Variants in B3GALT1 observed in about 807,000 individuals in gnomAD.
The protein encoded by B3GALT1 is UDP-Gal:betaGlcNAc beta 1,3-galactosyltransferase, polypeptide 1.
B3GALT1 carries 10 observed loss-of-function variants against 23.2 expected under a neutral mutation model. The ratio of observed to expected loss-of-function variants is 0.43; its 90% CI spans 0.27 to 0.73. The LOEUF is 0.73. B3GALT1 is among the 30% of genes least tolerant of loss of function. The pLI is 0.21. For missense variants in B3GALT1, 299 were observed against 405.4 expected (o/e 0.74, Z 2.25); for synonymous variants, 156 against 141.5 (o/e 1.10, Z -0.73).
intron 2 of B3GALT1, among the ~76,000 whole-genome samples, chr2:167,564,772 T>C (rs919375702): frequency 3.3e-5 from 5 of 152,114 alleles, no homozygotes; most frequent in African/African-American, 1.2e-4. Context: ...TCAAAGAGAA[T>C]AAAATACCTA....
intron 2 of B3GALT1, among the ~76,000 whole-genome samples, chr2:167,642,463 A>T (rs1685669830): frequency 6.6e-6 from 1 of 152,208 alleles, no homozygotes; most frequent in Non-Finnish European, 1.5e-5. Flanking sequence ...AGTGCTGTGT[A>T]ACTACAATCT....
At chr2:167,587,252 GTAT>G (rs1345315203) in intron 2 of B3GALT1, among the ~76,000 whole-genome samples, 7 of 152,122 alleles carry the variant, frequency 4.6e-5, no homozygotes, top group Non-Finnish European at 1.0e-4. Flanking sequence ...TGTCCAGGAA[GTAT>G]TATTCAACAT....
In B3GALT1 at chr2:167,316,079, A is replaced by AT. The variant is rs539710856; in HGVS notation, c.-511+22754dup. 3.3e-3 allele frequency among the ~76,000 whole-genome samples: 498 copies of AT among 151,036 alleles called. 2 individuals carry two copies. The highest frequency in any genetic ancestry group is 3.5e-3 in the Non-Finnish European group (237 of 67,646). ...ATCCTGTTGAATTTCTAGCAGTTAT[A>AT]TTTTTTTTTACCACTACTGTGAGAA... On this transcript the variant is annotated intron_variant, in intron 1 of 4. Coordinates refer to ENST00000392690, the MANE Select transcript of B3GALT1 (RefSeq NM_020981.4).
chr2:167,752,527 T>A (rs898708736), intron 3 of B3GALT1, among the ~76,000 whole-genome samples: 2 of 151,080 alleles, frequency 1.3e-5, no homozygotes, highest in Non-Finnish European at 3.0e-5. Context: ...TTTTTTTTTT[T>A]AAATAAACTG....
At position 167,839,112 on chromosome 2, in the gene B3GALT1, T is replaced by G. The variant is rs1396211029; in HGVS notation, c.-230+20319T>G. 1.4e-4 allele frequency among the ~76,000 whole-genome samples: 22 copies of G among 152,274 alleles called. No homozygotes were observed. In the South Asian group the frequency reaches 4.6e-3, roughly 32 times the overall value. ...AACTGGAAGCATTCCCTTTGAAAAC[T>G]GGCACAAGACAGGGATGCCCTCTCT... is the stretch of plus-strand genomic sequence containing the variant. On this transcript the variant is annotated intron_variant, in intron 4 of 4. Transcript: ENST00000392690.
intron 3 of B3GALT1, among the ~76,000 whole-genome samples, chr2:167,689,741 C>A (rs953186475): frequency 1.3e-5 from 2 of 151,994 alleles, no homozygotes; most frequent in African/African-American, 4.8e-5. Flanking sequence ...GGGACCCAGA[C>A]CAGGATGTCT....
intron 1 of B3GALT1, among the ~76,000 whole-genome samples, chr2:167,307,099 C>T (rs1362940246): frequency 6.6e-6 from 1 of 151,858 alleles, no homozygotes; most frequent in East Asian, 1.9e-4. Flanking sequence ...ATTTACCCCA[C>T]AGATTTGATA....
chr2:167,582,253 T>C (rs965792327), intron 2 of B3GALT1, among the ~76,000 whole-genome samples: 3 of 152,086 alleles, frequency 2.0e-5, no homozygotes, highest in African/African-American at 4.8e-5. Flanking sequence ...AAACTCACCC[T>C]GAAGCAAAAA....
chr2:167,872,170 G>A lies in B3GALT1; in HGVS notation c.*2150G>A, dbSNP rs1159152123. ...GCCCGCCTCGGCCTCCCAAAGTGCT[G>A]GGATTACAAGCGTGAGCCACCGCGC... On this transcript the variant is annotated 3_prime_UTR_variant, in exon 5 of 5. Transcript: ENST00000392690. 2.0e-5 allele frequency: 3 copies of A among 151,950 alleles called. No individual in the cohort carries two copies. Among genetic ancestry groups the A allele is most frequent in the Non-Finnish European group, 4.4e-5 (3 of 68,054 alleles). The allele number at this position is 151,950 out of a possible 1,614,324, so 9.4% of individuals were successfully genotyped here.
chr2:167,811,029 T>C (rs748617142), intron 3 of B3GALT1, among the ~76,000 whole-genome samples: 4 of 152,102 alleles, frequency 2.6e-5, no homozygotes, highest in Admixed American at 6.6e-5. Context: ...GCTGTGGAGG[T>C]AGCAAGAAGT....
intron 1 of B3GALT1, among the ~76,000 whole-genome samples, chr2:167,420,705 A>G (rs545728982): frequency 1.3e-5 from 2 of 152,324 alleles, no homozygotes; most frequent in East Asian, 3.9e-4. Context: ...TATATGAACC[A>G]TTGTACTCTT....
At chr2:167,796,525 T>C (rs1688549002) in intron 3 of B3GALT1, among the ~76,000 whole-genome samples, 2 of 152,088 alleles carry the variant, frequency 1.3e-5, no homozygotes, top group African/African-American at 2.4e-5. Flanking sequence ...AGGTGGGAGA[T>C]CACTTGAGGA....
chr2:167,730,210 G>T (rs1036552928), intron 3 of B3GALT1, among the ~76,000 whole-genome samples: 3 of 152,076 alleles, frequency 2.0e-5, no homozygotes, highest in African/African-American at 7.2e-5. Context: ...CTCTCAATCT[G>T]TTTGAGTCCT....
At chr2:167,379,595 T>G (rs1697815666) in intron 1 of B3GALT1, among the ~76,000 whole-genome samples, 1 of 152,158 alleles carries the variant, frequency 6.6e-6, no homozygotes, top group South Asian at 2.1e-4. Flanking sequence ...AGGTAAGAGT[T>G]GGCTACAGGC....
chr2:167,811,643 TC>T (rs201279106), intron 3 of B3GALT1, among the ~76,000 whole-genome samples: 5,816 of 151,678 alleles, frequency 0.038, 405 homozygotes, highest in African/African-American at 0.13. Flanking sequence ...AAAATACAAA[TC>T]CCCATCTAGT....
intron 1 of B3GALT1, among the ~76,000 whole-genome samples, chr2:167,314,648 T>G (rs571136114): frequency 6.6e-6 from 1 of 152,296 alleles, no homozygotes; most frequent in South Asian, 2.1e-4. Flanking sequence ...TGTCTTAGCT[T>G]GCATGCAAAT....
intron 1 of B3GALT1, among the ~76,000 whole-genome samples, chr2:167,458,082 G>T (rs1219765537): frequency 6.6e-6 from 1 of 152,054 alleles, no homozygotes; most frequent in Non-Finnish European, 1.5e-5. Context: ...CTTTCATCCT[G>T]TAAACTAAAT....
Position 167,711,260 on chromosome 2 carries a change from A to G in B3GALT1, c.-352+64294A>G, listed in dbSNP as rs544708621. Among the ~76,000 whole-genome samples the G allele has an allele frequency of 1.6e-4, 25 of 152,308 alleles. 1 individual carries two copies. In the South Asian group the frequency reaches 3.3e-3, roughly 20 times the overall value. ...CTGATCCAATCTAAACAAGACCTCTAGTCGCACTCCATCACATCACTCCTC... is the reference window on the plus strand; with the variant it reads ...CTGATCCAATCTAAACAAGACCTCTGGTCGCACTCCATCACATCACTCCTC... On this transcript the variant is annotated intron_variant, in intron 3 of 4. Coordinates refer to ENST00000392690, the MANE Select transcript of B3GALT1 (RefSeq NM_020981.4).
chr2:167,835,025 C>T (rs528548225), intron 4 of B3GALT1, among the ~76,000 whole-genome samples: 4 of 152,158 alleles, frequency 2.6e-5, no homozygotes, highest in African/African-American at 9.6e-5. Context: ...TCATAACCTC[C>T]TTGAAAAGCC....
Sources: allele counts gnomAD v4.1 joint callset (sites outside exome capture counted in the v4.1 genomes callset), GRCh38; gene constraint gnomAD v4.1.1; transcripts MANE v1.5; gene names NCBI Gene and HGNC (gene_info 2026-07-23, HGNC 2026-07-21).